LOC400499: variants seen among roughly 807,000 people sequenced by gnomAD.
the LOC400499 span, chr16:11,484,979 G>A: frequency 7.5e-6 from 3 of 399,210 alleles, no homozygotes; most frequent in East Asian, 1.1e-4. Context: ...GGGTTCCTCT[G>A]GCTCAGGCTC....
chr16:11,508,851 T>G, the LOC400499 span: 2 of 399,088 alleles, frequency 5.0e-6, no homozygotes, highest in Non-Finnish European at 8.8e-6. Flanking sequence ...CTCTATCATC[T>G]GGATCTGAGA....
chr16:11,429,351 A>G, the LOC400499 span, among the ~76,000 whole-genome samples: 19 of 152,308 alleles, frequency 1.2e-4, no homozygotes, highest in East Asian at 3.7e-3. Flanking sequence ...CAGCTTGCAG[A>G]ACTATGAGCC....
chr16:11,383,561 A>G, the LOC400499 span: 7 of 1,206,750 alleles, frequency 5.8e-6, no homozygotes, highest in East Asian at 3.2e-5. Flanking sequence ...CTCCCTGGTG[A>G]GAGAAAGGGA....
the LOC400499 span, among the ~76,000 whole-genome samples, chr16:11,390,888 G>C: frequency 1.2e-4 from 18 of 152,208 alleles, no homozygotes; most frequent in African/African-American, 4.1e-4. Flanking sequence ...AGCTGCTCTG[G>C]TGACAGCTGG....
At chr16:11,481,564 C>T in the LOC400499 span, among the ~76,000 whole-genome samples, 30 of 152,342 alleles carry the variant, frequency 2.0e-4, no homozygotes, top group Admixed American at 1.7e-3. Context: ...CTCAGGCAAT[C>T]TGCCCACCTC....
the LOC400499 span, chr16:11,494,853 C>A: frequency 2.5e-6 from 1 of 398,272 alleles, no homozygotes; most frequent in Non-Finnish European, 4.4e-6. Context: ...TGGGCAACTT[C>A]ATAATACAGA....
chr16:11,408,104 T>A, the LOC400499 span, among the ~76,000 whole-genome samples: 6 of 149,010 alleles, frequency 4.0e-5, no homozygotes, highest in Admixed American at 1.4e-4. Flanking sequence ...TGCCTCAGCC[T>A]CCTGAGTAAC....
chr16:11,417,968 A>G, the LOC400499 span: 2 of 397,210 alleles, frequency 5.0e-6, no homozygotes, highest in Non-Finnish European at 8.9e-6. Context: ...GGAGGAACTC[A>G]GACCCTCTTG....
At chr16:11,397,230 G>A in the LOC400499 span, among the ~76,000 whole-genome samples, 1 of 152,184 alleles carries the variant, frequency 6.6e-6, no homozygotes, top group African/African-American at 2.4e-5. Flanking sequence ...GATAAGGGGT[G>A]GGAAACTATG....
the LOC400499 span, among the ~76,000 whole-genome samples, chr16:11,492,097 G>T: frequency 6.6e-6 from 1 of 152,242 alleles, no homozygotes; most frequent in South Asian, 2.1e-4. Flanking sequence ...CAACAAATGG[G>T]CATGGCTACG....
chr16:11,417,816 G>C, the LOC400499 span: 2 of 398,778 alleles, frequency 5.0e-6, no homozygotes, highest in Non-Finnish European at 8.8e-6. Flanking sequence ...AGCCGGAGCT[G>C]CCATTGTGAA....
At chr16:11,469,480 A>G in the LOC400499 span, 1 of 399,118 alleles carries the variant, frequency 2.5e-6, no homozygotes, top group African/African-American at 2.1e-5. Flanking sequence ...TGAGGGGCGC[A>G]GTGAGCAGGG....
the LOC400499 span, among the ~76,000 whole-genome samples, chr16:11,429,206 G>C: frequency 4.4e-4 from 67 of 152,224 alleles, no homozygotes; most frequent in Non-Finnish European, 8.2e-4. Flanking sequence ...CAGTTTAGTA[G>C]CATCCCCTGG....
At chr16:11,498,300 G>C in the LOC400499 span, among the ~76,000 whole-genome samples, 4 of 152,084 alleles carry the variant, frequency 2.6e-5, no homozygotes, top group Non-Finnish European at 5.9e-5. Flanking sequence ...GGCCAACATG[G>C]TGAAATCCCA....
At chr16:11,383,077 T>A in the LOC400499 span, among the ~76,000 whole-genome samples, 3 of 145,492 alleles carry the variant, frequency 2.1e-5, no homozygotes, top group African/African-American at 7.6e-5. Flanking sequence ...GGGTCTTTTT[T>A]TTTTTTGAGA....
the LOC400499 span, among the ~76,000 whole-genome samples, chr16:11,507,040 G>C: frequency 2.0e-5 from 3 of 152,302 alleles, no homozygotes; most frequent in Admixed American, 1.3e-4. Context: ...GTGCCCTCTG[G>C]GGCTAGCACC....
At chr16:11,401,947 T>C in the LOC400499 span, 2 of 398,708 alleles carry the variant, frequency 5.0e-6, no homozygotes, top group Non-Finnish European at 8.9e-6. Flanking sequence ...ATAAGGCTCC[T>C]CAGGCAGGGG....
At chr16:11,408,161 T>C in the LOC400499 span, among the ~76,000 whole-genome samples, 3 of 151,978 alleles carry the variant, frequency 2.0e-5, no homozygotes, top group African/African-American at 7.3e-5. Flanking sequence ...TTTTGTATTT[T>C]TAGTAGAGAT....
chr16:11,384,344 C>A, the LOC400499 span: 1 of 1,215,816 alleles, frequency 8.2e-7, no homozygotes, highest in Non-Finnish European at 1.0e-6. Flanking sequence ...AAGAGGGAAG[C>A]GGAGGCCGGC....
Sources: allele counts gnomAD v4.1 joint callset (sites outside exome capture counted in the v4.1 genomes callset), GRCh38; gene constraint gnomAD v4.1.1; transcripts MANE v1.5.